Variants in KIF26B observed in about 807,000 individuals in gnomAD.
KIF26B encodes the protein kinesin family member 26B, also known as kinesin-like protein KIF26B.
In KIF26B, 63 loss-of-function variants were observed where a neutral mutation model predicts 151.2. The observed-to-expected ratio is 0.42, with a 90% CI of 0.34 to 0.51. The LOEUF (loss-of-function observed/expected upper bound fraction) is 0.51. Among genes scored for constraint, KIF26B ranks in the 20% least tolerant of loss-of-function variants. KIF26B has a pLI of 0.07. For synonymous variants in KIF26B, 1,357 were observed against 1,262.1 expected (o/e 1.08, Z -1.59); for missense variants, 2,813 against 2,913.6 (o/e 0.97, Z 0.79).
chr1:245,535,189 T>C (rs1661463262), intron 4 of KIF26B, among the ~76,000 whole-genome samples: 1 of 152,182 alleles, frequency 6.6e-6, no homozygotes, highest in African/African-American at 2.4e-5. Flanking sequence ...CTCTGTGTCA[T>C]TGAAGTGCTA....
chr1:245,574,549 T>G (rs2043096992), intron 5 of KIF26B, among the ~76,000 whole-genome samples: 1 of 152,152 alleles, frequency 6.6e-6, no homozygotes, highest in African/African-American at 2.4e-5. Flanking sequence ...ATGAACAGGC[T>G]GGTTGCTCCA....
At chr1:245,681,727 G>GC (rs2147950096) in intron 10 of KIF26B, among the ~76,000 whole-genome samples, 1 of 152,322 alleles carries the variant, frequency 6.6e-6, no homozygotes, top group East Asian at 1.9e-4. Flanking sequence ...TGTGAGGCTA[G>GC]ACACCAAAGA....
At chr1:245,212,648 C>T (rs1341943421) in intron 2 of KIF26B, among the ~76,000 whole-genome samples, 53 of 149,622 alleles carry the variant, frequency 3.5e-4, no homozygotes, top group Non-Finnish European at 1.2e-4. Flanking sequence ...ATGAGTTCAG[C>T]GAGTTTCCCC....
intron 4 of KIF26B, among the ~76,000 whole-genome samples, chr1:245,439,197 A>C (rs1659004683): frequency 6.6e-6 from 1 of 151,994 alleles, no homozygotes; most frequent in African/African-American, 2.4e-5. Flanking sequence ...AAAATAAAAA[A>C]TTAGCCAGAC....
chr1:245,430,060 G>A (rs1351634988), intron 4 of KIF26B, among the ~76,000 whole-genome samples: 5 of 152,212 alleles, frequency 3.3e-5, no homozygotes, highest in South Asian at 2.1e-4. Context: ...TGGAATTGTC[G>A]TGATACTCAC....
At chr1:245,184,855 C>T (rs1668973292) in intron 2 of KIF26B, among the ~76,000 whole-genome samples, 2 of 152,186 alleles carry the variant, frequency 1.3e-5, no homozygotes, top group Non-Finnish European at 2.9e-5. Flanking sequence ...CCTCCTAAAT[C>T]TGAGATGGTA....
At chr1:245,461,340 C>G (rs1659640542) in intron 4 of KIF26B, among the ~76,000 whole-genome samples, 1 of 151,740 alleles carries the variant, frequency 6.6e-6, no homozygotes, top group African/African-American at 2.4e-5. Flanking sequence ...GTCACCCCAG[C>G]AAGAGTGCAG....
rs528686617 is a variant in KIF26B, at chr1:245,488,734, A to G, written c.1167-52033A>G. On this transcript the variant is annotated intron_variant, in intron 4 of 14. Coordinates refer to ENST00000407071, the MANE Select transcript of KIF26B (RefSeq NM_018012.4). This position sits in a 1 kb window ranked among gnomAD's most constrained non-coding sequence, Gnocchi z 4.6. ...GCATTTTAGCTTTAAGAAGATTATTATAATTATCTCAAGGCACTGAAGGGC... is the reference window on the plus strand; with the variant it reads ...GCATTTTAGCTTTAAGAAGATTATTGTAATTATCTCAAGGCACTGAAGGGC... Among the ~76,000 whole-genome samples the G allele has an allele frequency of 1.3e-5, 2 of 152,286 alleles. No homozygotes were observed. The highest frequency in any genetic ancestry group is 4.2e-4 in the South Asian group (2 of 4,818).
Position 245,352,250 on chromosome 1 carries a change from TTTTG to T in KIF26B, c.466-14566_466-14563del, listed in dbSNP as rs201707727. On this transcript the variant is annotated intron_variant, in intron 2 of 14. Coordinates refer to ENST00000407071, the MANE Select transcript of KIF26B (RefSeq NM_018012.4). This position sits in a 1 kb window ranked among gnomAD's most constrained non-coding sequence, Gnocchi z 5.0. ...TATTCTACCATTCCTACCTCCAGTT[TTTTG>T]TTTGTTTGTTTGTTTGTGTTCCTTT... is the stretch of plus-strand genomic sequence containing the variant. 2.0e-5 allele frequency among the ~76,000 whole-genome samples: 3 copies of T among 152,204 alleles called. No individual in the cohort carries two copies. The highest frequency in any genetic ancestry group is 1.9e-4 in the East Asian group (1 of 5,196).
intron 2 of KIF26B, among the ~76,000 whole-genome samples, chr1:245,203,025 A>G (rs1669332676): frequency 6.6e-6 from 1 of 151,520 alleles, no homozygotes; most frequent in South Asian, 2.1e-4. Context: ...GAGGCCGAGG[A>G]GGGTGGATCA....
chr1:245,198,175 C>T (rs1669226116), intron 2 of KIF26B, among the ~76,000 whole-genome samples: 1 of 152,310 alleles, frequency 6.6e-6, no homozygotes, highest in South Asian at 2.1e-4. Context: ...GCAAAACAGA[C>T]CTCCAGTACT....
At chr1:245,394,026 A>G (rs1173836) in intron 3 of KIF26B, among the ~76,000 whole-genome samples, 99,363 of 152,020 alleles carry the variant, frequency 0.65, 32,483 homozygotes, top group South Asian at 0.71. Flanking sequence ...TGCCTGCAAT[A>G]TCTGGGGCCA....
rs1363324801 is a variant in KIF26B at position 245,706,461 on chromosome 1, G to A, written c.*3855G>A. 6.6e-6 allele frequency: 1 copy of A among 152,066 alleles called. No homozygotes were observed. The highest frequency in any genetic ancestry group is 2.4e-5 in the African/African-American group (1 of 41,392). The allele number at this position is 152,066 out of a possible 1,614,324, so 9.4% of individuals were successfully genotyped here. On this transcript the variant is annotated 3_prime_UTR_variant, in exon 15 of 15. Coordinates refer to ENST00000407071, the MANE Select transcript of KIF26B (RefSeq NM_018012.4). Reference sequence around the variant, plus strand: ...TATTGAGTGTTTTTAGGTTTTTTAGGTTTCTTATTCCAAAAAGGATTTTAG... The same window carrying A: ...TATTGAGTGTTTTTAGGTTTTTTAGATTTCTTATTCCAAAAAGGATTTTAG...
At chr1:245,697,242 A>T (rs779131355) in intron 12 of KIF26B, among the ~76,000 whole-genome samples, 3 of 152,218 alleles carry the variant, frequency 2.0e-5, no homozygotes, top group Admixed American at 6.5e-5. Context: ...GCATCTGCTC[A>T]TCAAAACGTC....
chr1:245,263,063 G>A (rs1670676742), intron 2 of KIF26B, among the ~76,000 whole-genome samples: 1 of 152,230 alleles, frequency 6.6e-6, no homozygotes, highest in African/African-American at 2.4e-5. Context: ...GCGGGGTGCA[G>A]TCAAGGAGTG....
At chr1:245,639,622 G>A (rs2043867732) in intron 9 of KIF26B, among the ~76,000 whole-genome samples, 1 of 151,650 alleles carries the variant, frequency 6.6e-6, no homozygotes, top group Non-Finnish European at 1.5e-5. Context: ...CTTTCCATTA[G>A]TGCTACTTTT....
chr1:245,193,673 T>C (rs1488649923), intron 2 of KIF26B, among the ~76,000 whole-genome samples: 1 of 152,242 alleles, frequency 6.6e-6, no homozygotes, highest in Non-Finnish European at 1.5e-5. Flanking sequence ...GGTACTGTTA[T>C]CATCCCAGTT....
chr1:245,685,419 G>C lies in KIF26B; in HGVS notation c.2436G>C (p.Ser812=). ...CTCACTCACAGTACACATCCAGCTC[G>C]TCCGGCGGGGAGAGCTCCTGCGAAG... ...KKKKTKYTSS[S]SGGESSCEEG... is the part of the protein sequence containing the mutation. The change falls in exon 12 of 15, where the codon TCG becomes TCC. Residue 812 remains serine (S), a synonymous_variant. Transcript: ENST00000407071. 6.2e-7 allele frequency: 1 copy of C among 1,611,548 alleles called. No individual in the cohort carries two copies. Among genetic ancestry groups the C allele is most frequent in the South Asian group, 1.1e-5 (1 of 90,778 alleles).
intron 4 of KIF26B, among the ~76,000 whole-genome samples, chr1:245,518,596 A>G (rs1047195661): frequency 6.6e-6 from 1 of 152,210 alleles, no homozygotes; most frequent in African/African-American, 2.4e-5. Flanking sequence ...CTTTTTTACA[A>G]TTGTAGTAAA....
Sources: allele counts gnomAD v4.1 joint callset (sites outside exome capture counted in the v4.1 genomes callset), GRCh38; gene constraint gnomAD v4.1.1; non-coding constraint Gnocchi (gnomAD v3.1); transcripts MANE v1.5; gene names NCBI Gene and HGNC (gene_info 2026-07-23, HGNC 2026-07-21).